BTD: variants seen among roughly 807,000 people sequenced by gnomAD.
BTD encodes the protein biotinidase, also known as biocytinase.
In BTD, 13 loss-of-function variants were observed where a neutral mutation model predicts 17.7. The ratio of observed to expected loss-of-function variants is 0.74; its 90% CI spans 0.48 to 1.17. The LOEUF is 1.17. BTD is among the 50% of genes most tolerant of loss of function. BTD has a pLI of 0.00. For missense variants in BTD, 674 were observed against 650.4 expected, an observed-to-expected ratio of 1.04 and a Z score of -0.39; for synonymous variants, 240 against 245.2, an observed-to-expected ratio of 0.98 and a Z score of 0.20.
chr3:15,632,610 A>G (rs1463484433), intron 1 of BTD: 1 of 152,236 alleles, frequency 6.6e-6, no homozygotes, highest in Non-Finnish European at 1.5e-5. Flanking sequence ...AGCTCTAAAG[A>G]TGGGTCAGCT....
At chr3:15,663,206 C>T (rs2065943317) in intron 3 of BTD, among the ~76,000 whole-genome samples, 1 of 152,142 alleles carries the variant, frequency 6.6e-6, no homozygotes, top group South Asian at 2.1e-4. Context: ...GTTGGTCAGG[C>T]TGGTCTCGAA....
chr3:15,721,143 A>C (rs1409581162), intron 4 of BTD: 2 of 1,594,118 alleles, frequency 1.3e-6, no homozygotes, highest in Non-Finnish European at 1.7e-6. Flanking sequence ...AGAAGGGAAA[A>C]AAATGCGAAT....
chr3:15,669,036 A>G (rs2066133607), intron 3 of BTD: 1 of 152,522 alleles, frequency 6.6e-6, no homozygotes, highest in African/African-American at 2.4e-5. Context: ...TGCTATTTGA[A>G]AGGTAGTCTT....
intron 3 of BTD, among the ~76,000 whole-genome samples, chr3:15,682,344 C>G (rs17041447): frequency 6.6e-6 from 1 of 152,100 alleles, no homozygotes; most frequent in East Asian, 1.9e-4. Flanking sequence ...CACTCACCAT[C>G]TGAGTACAGA....
downstream of BTD, among the ~76,000 whole-genome samples, chr3:15,717,595 G>C (rs899472090): frequency 6.6e-6 from 1 of 151,772 alleles, no homozygotes; most frequent in Non-Finnish European, 1.5e-5. Flanking sequence ...GATCTCACAG[G>C]CAACCAAAAA....
At chr3:15,629,609 C>T (rs79479386) in intron 1 of BTD, among the ~76,000 whole-genome samples, 1 of 152,132 alleles carries the variant, frequency 6.6e-6, no homozygotes, top group African/African-American at 2.4e-5. Context: ...CTGCAACCTC[C>T]GCCGCCCGAG....
chr3:15,659,464 G>T (rs2065900925), intron 3 of BTD, among the ~76,000 whole-genome samples: 1 of 152,174 alleles, frequency 6.6e-6, no homozygotes, highest in Admixed American at 6.5e-5. Flanking sequence ...CTCCTTCACT[G>T]GGGTTAGACT....
intron 3 of BTD, chr3:15,709,606 A>G: frequency 8.7e-7 from 1 of 1,149,518 alleles, no homozygotes; most frequent in Non-Finnish European, 1.2e-6. Flanking sequence ...GAAGCCAGTT[A>G]GAAGGTCAAT....
At chr3:15,628,895 T>C (rs1156836005) in intron 1 of BTD, among the ~76,000 whole-genome samples, 1 of 152,230 alleles carries the variant, frequency 6.6e-6, no homozygotes, top group Non-Finnish European at 1.5e-5. Flanking sequence ...TAGTCTACCA[T>C]ATTGCCCCCC....
rs2065627213 is a variant in BTD, at chr3:15,644,303, T to C, written c.400-13T>C. 1.9e-6 allele frequency: 3 copies of C among 1,611,242 alleles called. No homozygotes were observed. The highest frequency in any genetic ancestry group is 2.5e-6 in the Non-Finnish European group (3 of 1,178,652). Reference sequence around the variant, plus strand: ...GCAAAAACCTCATTTATTTACACCTTTTTTTCCTCTAGGTGCTCCAGCGCC... The same window carrying C: ...GCAAAAACCTCATTTATTTACACCTCTTTTTCCTCTAGGTGCTCCAGCGCC... On this transcript the variant is annotated splice_polypyrimidine_tract_variant and intron_variant, in intron 3 of 3. Coordinates refer to ENST00000643237, the MANE Select transcript of BTD (RefSeq NM_001370658.1).
intron 3 of BTD, among the ~76,000 whole-genome samples, chr3:15,687,849 T>TCG (rs2068320298): frequency 6.6e-6 from 1 of 152,174 alleles, no homozygotes; most frequent in African/African-American, 2.4e-5. Context: ...CAGTTCACAG[T>TCG]CGCTACTGAT....
chr3:15,631,336 T>C (rs2065198587), intron 1 of BTD: 3 of 863,534 alleles, frequency 3.5e-6, no homozygotes, highest in Non-Finnish European at 5.1e-6. Context: ...AAAAGATGTT[T>C]TATTTATCTT....
At chr3:15,697,177 G>A (rs1296980112) in intron 3 of BTD, 1 of 152,156 alleles carries the variant, frequency 6.6e-6, no homozygotes, top group African/African-American at 2.4e-5. Context: ...TCTAAGTGAA[G>A]CAATTCAGGG....
At chr3:15,640,099 C>T (rs892076086) in intron 2 of BTD, among the ~76,000 whole-genome samples, 1 of 152,148 alleles carries the variant, frequency 6.6e-6, no homozygotes. Context: ...CCAAGACTCT[C>T]TCTCAAAAAA....
At chr3:15,695,573 T>A (rs1449044422) in intron 3 of BTD, among the ~76,000 whole-genome samples, 1 of 152,166 alleles carries the variant, frequency 6.6e-6, no homozygotes, top group African/African-American at 2.4e-5. Context: ...TAAGTCTAAA[T>A]AAGAGCATCT....
chr3:15,624,419 T>C, intron 1 of BTD, among the ~76,000 whole-genome samples: 1 of 152,170 alleles, frequency 6.6e-6, no homozygotes, highest in East Asian at 1.9e-4. Context: ...TTTTTTCTCT[T>C]TGCTTTTCAG....
intron 2 of BTD, among the ~76,000 whole-genome samples, chr3:15,640,123 A>T (rs1044339296): frequency 6.6e-6 from 1 of 152,214 alleles, no homozygotes; most frequent in Non-Finnish European, 1.5e-5. Flanking sequence ...AACAAAACTT[A>T]AAACTCTAAT....
intron 3 of BTD, chr3:15,697,459 C>A (rs187531985): frequency 2.6e-5 from 4 of 152,046 alleles, no homozygotes; most frequent in African/African-American, 9.6e-5. Flanking sequence ...CACCTGTTCC[C>A]CAGGAACTAT....
At chr3:15,679,667 C>T (rs2067314873) in intron 3 of BTD, 4 of 820,674 alleles carry the variant, frequency 4.9e-6, no homozygotes, top group Non-Finnish European at 7.8e-6. Flanking sequence ...GTCTCTCCCT[C>T]ATCCCATCTC....
Sources: gnomAD v4.1 joint callset for allele counts (sites outside exome capture counted in the v4.1 genomes callset) on GRCh38, gnomAD v4.1.1 for gene constraint, MANE v1.5 for transcripts, NCBI Gene and HGNC (gene_info 2026-07-23, HGNC 2026-07-21) for gene names.